DYNC2H1: variants seen among roughly 807,000 people sequenced by gnomAD.
DYNC2H1 encodes cytoplasmic dynein 2 heavy chain 1.
Under a neutral mutation model 570.0 loss-of-function variants are expected in DYNC2H1, and 410 were observed. That is an observed-to-expected ratio of 0.72 (90% CI 0.66 to 0.78). The LOEUF is 0.78. Ranked by LOEUF, DYNC2H1 falls within the 30% of genes least tolerant of loss-of-function variation. DYNC2H1 has a pLI of 0.00. For missense variants in DYNC2H1, 4,865 were observed against 5,046.4 expected (o/e 0.96, Z 1.09); for synonymous variants, 1,688 against 1,677.6 (o/e 1.01, Z -0.15).
At chr11:103,475,766 C>CTGTT (rs1471767750) in intron 88 of DYNC2H1, among the ~76,000 whole-genome samples, 5 of 152,012 alleles carry the variant, frequency 3.3e-5, no homozygotes, top group African/African-American at 1.2e-4. Context: ...AACTAGTAAA[C>CTGTT]TGTTAGTGAA....
At chr11:103,340,121 T>G (rs1443914973) in intron 82 of DYNC2H1, among the ~76,000 whole-genome samples, 1 of 152,208 alleles carries the variant, frequency 6.6e-6, no homozygotes, top group Non-Finnish European at 1.5e-5. Context: ...ATGTTAAAGT[T>G]AGATACTGTG....
rs1565454439 is a variant in DYNC2H1, at chr11:103,275,363, G to A, written c.10696-4985G>A. Among the ~76,000 whole-genome samples the A allele has an allele frequency of 6.6e-6, 1 of 152,076 alleles. No individual in the cohort carries two copies. Among genetic ancestry groups the A allele is most frequent in the Non-Finnish European group, 1.5e-5 (1 of 68,016 alleles). On this transcript the variant is annotated intron_variant, in intron 70 of 88. Transcript: ENST00000375735. This position sits in a 1 kb window ranked among gnomAD's most constrained non-coding sequence, Gnocchi z 4.8. ...CATTGACACATCCTAATCACCTGAAGTTCATAGTTTACATTAAAGTTCACT... is the reference window on the plus strand; with the variant it reads ...CATTGACACATCCTAATCACCTGAAATTCATAGTTTACATTAAAGTTCACT...
rs2134723666 is a variant in DYNC2H1 at position 103,122,807 on chromosome 11, GT to G, written c.1486-17del. 1.9e-6 allele frequency: 3 copies of G among 1,602,332 alleles called. No individual in the cohort carries two copies. Among genetic ancestry groups the G allele is most frequent in the Non-Finnish European group, 2.6e-6 (3 of 1,172,510 alleles). On this transcript the variant is annotated splice_polypyrimidine_tract_variant and intron_variant, in intron 10 of 88. Transcript: ENST00000375735. ...TGGAATTTAAATAATGCACATGTCTGTAATTTGGCTTTTTAAGGTAGATGAT... is the reference window on the plus strand; with the variant it reads ...TGGAATTTAAATAATGCACATGTCTGAATTTGGCTTTTTAAGGTAGATGAT...
intron 82 of DYNC2H1, among the ~76,000 whole-genome samples, chr11:103,347,378 A>G (rs917889669): frequency 6.6e-6 from 1 of 152,182 alleles, no homozygotes; most frequent in African/African-American, 2.4e-5. Context: ...TGTGATGCCA[A>G]TTAATTTTTG....
rs1322167436 is a variant in DYNC2H1 at position 103,222,041 on chromosome 11, A to G, written c.9119A>G (p.Lys3040Arg). The G allele has an allele frequency of 6.2e-7, 1 of 1,609,846 alleles. No homozygotes were observed. Residue 3040 changes from lysine (K) to arginine (R), a missense_variant, in exon 58 of 89, where the codon AAA (lysine) becomes AGA (arginine). Transcript: ENST00000375735. ...TGCTTTAATTTTAGTTTCCTTGCAA[A>G]AAGAGGTGTAAGAGAAGACATAGCA... ...SWVSMKSFLA[K>R]RGVREDIATF...
rs189101864 is a variant in DYNC2H1 at position 103,369,550 on chromosome 11, G to T, written c.12156+11191G>T. Among the ~76,000 whole-genome samples, 1 of 152,256 alleles carries T rather than the reference G, an allele frequency of 6.6e-6. No individual in the cohort carries two copies. The highest frequency in any genetic ancestry group is 1.9e-4 in the East Asian group (1 of 5,170). ...ATACACAGCTCACATCTCCAAAACA[G>T]ACTCTTTCCTTCTGTTTGAGGAGAG... On this transcript the variant is annotated intron_variant, in intron 83 of 88. Transcript: ENST00000375735. The surrounding 1 kb of genome is among the most constrained non-coding windows in gnomAD (Gnocchi z 4.0).
At chr11:103,178,802 A>AT (rs1044670122) in intron 38 of DYNC2H1, among the ~76,000 whole-genome samples, 3 of 151,872 alleles carry the variant, frequency 2.0e-5, no homozygotes, top group South Asian at 2.1e-4. Context: ...TAAGCCTTGC[A>AT]TTTTTTTTAG....
At chr11:103,333,948 ATC>A (rs977315232) in intron 82 of DYNC2H1, among the ~76,000 whole-genome samples, 18 of 152,232 alleles carry the variant, frequency 1.2e-4, no homozygotes, top group Non-Finnish European at 2.2e-4. Context: ...TAGCTGTTTT[ATC>A]TCTTTCTTTT....
intron 47 of DYNC2H1, among the ~76,000 whole-genome samples, chr11:103,194,631 A>T (rs1194795546): frequency 6.6e-6 from 1 of 152,172 alleles, no homozygotes. Flanking sequence ...GGGCTAGTGA[A>T]CTTGAACATC....
intron 83 of DYNC2H1, among the ~76,000 whole-genome samples, chr11:103,399,052 T>A (rs1942511411): frequency 1.3e-5 from 2 of 151,940 alleles, no homozygotes; most frequent in Admixed American, 1.3e-4. Context: ...ACTTACGGGA[T>A]GCCATTTTTT....
At chr11:103,437,220 T>C (rs1256586132) in intron 85 of DYNC2H1, among the ~76,000 whole-genome samples, 4 of 152,142 alleles carry the variant, frequency 2.6e-5, no homozygotes, top group Non-Finnish European at 5.9e-5. Context: ...TTCTCTCTCA[T>C]CTACAAATTT....
At chr11:103,165,043 A>G (rs1861244546) in intron 30 of DYNC2H1, among the ~76,000 whole-genome samples, 1 of 152,100 alleles carries the variant, frequency 6.6e-6, no homozygotes, top group African/African-American at 2.4e-5. Flanking sequence ...TCATACCACA[A>G]AGTTTGTTTG....
chr11:103,302,166 G>A (rs1251562186), intron 75 of DYNC2H1, among the ~76,000 whole-genome samples: 1 of 152,026 alleles, frequency 6.6e-6, no homozygotes, highest in African/African-American at 2.4e-5. Context: ...AAAAATCACA[G>A]ATGAATTGTT....
At chr11:103,366,812 C>A (rs1940930123) in intron 83 of DYNC2H1, among the ~76,000 whole-genome samples, 1 of 152,236 alleles carries the variant, frequency 6.6e-6, no homozygotes, top group African/African-American at 2.4e-5. Flanking sequence ...ATTACTAATA[C>A]AGATTTTAAA....
intron 55 of DYNC2H1, among the ~76,000 whole-genome samples, chr11:103,216,114 G>C (rs1254155971): frequency 6.6e-6 from 1 of 152,098 alleles, no homozygotes. Context: ...AATTGGCATG[G>C]ATCTGTCTGT....
At position 103,186,914 on chromosome 11, in the gene DYNC2H1, A is replaced by C. The variant is rs1020347579; in HGVS notation, c.6893+413A>C. Reference sequence around the variant, plus strand: ...TTCATATGGAGCATAGTCTCCTGAAATATAGGAACCATGGTTTATTATTTT... The same window carrying C: ...TTCATATGGAGCATAGTCTCCTGAACTATAGGAACCATGGTTTATTATTTT... On this transcript the variant is annotated intron_variant, in intron 42 of 88. Coordinates refer to ENST00000375735, the MANE Select transcript of DYNC2H1 (RefSeq NM_001377.3). The surrounding 1 kb of genome is among the most constrained non-coding windows in gnomAD (Gnocchi z 4.5). 2.0e-5 allele frequency among the ~76,000 whole-genome samples: 3 copies of C among 152,036 alleles called. No individual in the cohort carries two copies. The highest frequency in any genetic ancestry group is 7.2e-5 in the African/African-American group (3 of 41,446).
intron 45 of DYNC2H1, among the ~76,000 whole-genome samples, chr11:103,190,319 G>T (rs1416712828): frequency 2.0e-5 from 3 of 152,164 alleles, no homozygotes; most frequent in African/African-American, 4.8e-5. Context: ...GTAGTCCTAG[G>T]GATGTAAAGA....
chr11:103,258,908 C>A (rs1865163752), intron 69 of DYNC2H1, among the ~76,000 whole-genome samples: 1 of 152,100 alleles, frequency 6.6e-6, no homozygotes, highest in South Asian at 2.1e-4. Flanking sequence ...CATATGTGAT[C>A]TTTGTTAACA....
At chr11:103,367,494 G>T (rs1451557417) in intron 83 of DYNC2H1, among the ~76,000 whole-genome samples, 2 of 151,888 alleles carry the variant, frequency 1.3e-5, no homozygotes, top group Non-Finnish European at 2.9e-5. Flanking sequence ...ACATATTTTG[G>T]GGGTGCAATT....
Sources: allele counts gnomAD v4.1 joint callset (sites outside exome capture counted in the v4.1 genomes callset), GRCh38; gene constraint gnomAD v4.1.1; non-coding constraint Gnocchi (gnomAD v3.1); transcripts MANE v1.5; gene names NCBI Gene and HGNC (gene_info 2026-07-23, HGNC 2026-07-21).